Variants in FSTL5 observed in about 807,000 individuals in gnomAD.
FSTL5 encodes the protein follistatin-related protein 5.
Under a neutral mutation model 89.1 loss-of-function variants are expected in FSTL5, and 62 were observed. The ratio of observed to expected loss-of-function variants is 0.70; its 90% confidence interval spans 0.57 to 0.86. The LOEUF is 0.86. Among genes scored for constraint, FSTL5 ranks in the 40% least tolerant of loss-of-function variants. The pLI is 0.00. For synonymous variants in FSTL5, 383 were observed against 346.2 expected (o/e 1.11, Z -1.18); for missense variants, 1,057 against 1,001.6 (o/e 1.06, Z -0.75).
chr4:161,491,709 C>A (rs988025692), intron 12 of FSTL5, among the ~76,000 whole-genome samples: 2 of 152,006 alleles, frequency 1.3e-5, no homozygotes, highest in Non-Finnish European at 2.9e-5. Context: ...GGCGTGGTGG[C>A]ACGCCCTTGT....
chr4:161,433,185 T>C (rs1198957881), intron 15 of FSTL5, among the ~76,000 whole-genome samples: 1 of 150,936 alleles, frequency 6.6e-6, no homozygotes, highest in Non-Finnish European at 1.5e-5. Context: ...CAATGAAATA[T>C]GAGCAAACTA....
intron 4 of FSTL5, among the ~76,000 whole-genome samples, chr4:161,811,228 A>G (rs1730135716): frequency 6.6e-6 from 1 of 152,164 alleles, no homozygotes; most frequent in African/African-American, 2.4e-5. Flanking sequence ...ATCAAGGAAG[A>G]AACAACCAGA....
intron 1 of FSTL5, among the ~76,000 whole-genome samples, chr4:162,124,534 A>C (rs1417019945): frequency 6.6e-6 from 1 of 152,150 alleles, no homozygotes; most frequent in Non-Finnish European, 1.5e-5. Context: ...GGAAAGCATA[A>C]TGGCTTCTTC....
At chr4:162,129,109 A>G (rs1390863800) in intron 1 of FSTL5, among the ~76,000 whole-genome samples, 2 of 151,854 alleles carry the variant, frequency 1.3e-5, no homozygotes, top group East Asian at 3.9e-4. Flanking sequence ...ATTTTTGTAT[A>G]TTTAGTAGAG....
chr4:161,999,081 T>C (rs1035495450), intron 3 of FSTL5, among the ~76,000 whole-genome samples: 2 of 152,166 alleles, frequency 1.3e-5, no homozygotes, highest in Non-Finnish European at 2.9e-5. Context: ...TAAGGGAAAC[T>C]AGGCCAAGGA....
chr4:161,721,200 C>T (rs1179664324), intron 6 of FSTL5, among the ~76,000 whole-genome samples: 1 of 143,412 alleles, frequency 7.0e-6, no homozygotes, highest in Non-Finnish European at 1.5e-5. Context: ...ATGGCGTGAA[C>T]CCGGGAAGCG....
chr4:162,029,900 T>A (rs1418315184), intron 3 of FSTL5, among the ~76,000 whole-genome samples: 1 of 71,734 alleles, frequency 1.4e-5, no homozygotes, highest in Non-Finnish European at 2.4e-5. Flanking sequence ...TGATCTAAAT[T>A]ATTTCCTTTT....
intron 6 of FSTL5, among the ~76,000 whole-genome samples, chr4:161,728,161 A>C (rs1455216960): frequency 6.6e-6 from 1 of 152,204 alleles, no homozygotes; most frequent in Non-Finnish European, 1.5e-5. Flanking sequence ...GGAGAGATTT[A>C]TAAAGAGTAG....
At chr4:161,624,698 A>G (rs900488150) in intron 7 of FSTL5, among the ~76,000 whole-genome samples, 4 of 152,072 alleles carry the variant, frequency 2.6e-5, no homozygotes, top group African/African-American at 9.6e-5. Flanking sequence ...ATTATCTACC[A>G]CTCTGCAATA....
chr4:161,509,632 T>A (rs928112109), intron 11 of FSTL5, among the ~76,000 whole-genome samples: 6 of 152,168 alleles, frequency 3.9e-5, no homozygotes, highest in Admixed American at 3.9e-4. Flanking sequence ...GAAGCTATAA[T>A]CAGGGAAGAG....
chr4:161,740,788 GTTGGGCTGCGGTAACAACACACCA>G (rs1739997942), intron 6 of FSTL5, among the ~76,000 whole-genome samples: 1 of 152,158 alleles, frequency 6.6e-6, no homozygotes, highest in South Asian at 2.1e-4. Context: ...GTCTTAGTCT[GTTGGGCTGCGGTAACAACACACCA>G]TAAATGAGGA....
intron 1 of FSTL5, among the ~76,000 whole-genome samples, 186 bp downstream of exon 1, chr4:162,163,429 A>G (rs1733766226): frequency 7.7e-6 from 1 of 130,430 alleles, no homozygotes; most frequent in Admixed American, 7.8e-5. Context: ...TCACTAACAG[A>G]TTGTCTTGTA....
At chr4:161,860,269 C>T (rs1212678557) in intron 4 of FSTL5, among the ~76,000 whole-genome samples, 1 of 148,800 alleles carries the variant, frequency 6.7e-6, no homozygotes, top group African/African-American at 2.5e-5. Flanking sequence ...GCCTAGGCGA[C>T]AGAGCGAGAC....
chr4:161,660,844 C>T (rs7698955), intron 6 of FSTL5, among the ~76,000 whole-genome samples: 121,836 of 152,128 alleles, frequency 0.8, 49,060 homozygotes, highest in East Asian at 0.93. Context: ...ATAGTGTATA[C>T]GTACCACATT....
intron 4 of FSTL5, among the ~76,000 whole-genome samples, chr4:161,806,003 T>C (rs543253879): frequency 1.8e-3 from 267 of 152,198 alleles, no homozygotes; most frequent in African/African-American, 6.1e-3. Flanking sequence ...CCATACCTAA[T>C]TAAAAATTAA....
At chr4:161,731,234 T>C (rs1006067997) in intron 6 of FSTL5, among the ~76,000 whole-genome samples, 1 of 152,162 alleles carries the variant, frequency 6.6e-6, no homozygotes, top group South Asian at 2.1e-4. Flanking sequence ...CCAAAGCTTT[T>C]TGTGCTCCTA....
At chr4:161,501,471 A>C (rs1272946704) in intron 11 of FSTL5, among the ~76,000 whole-genome samples, 1 of 152,026 alleles carries the variant, frequency 6.6e-6, no homozygotes, top group Non-Finnish European at 1.5e-5. Flanking sequence ...CTAAACTATT[A>C]CTTTATTCAT....
At chr4:161,622,364 C>T (rs1054320126) in intron 7 of FSTL5, among the ~76,000 whole-genome samples, 9 of 151,944 alleles carry the variant, frequency 5.9e-5, no homozygotes, top group Admixed American at 6.6e-5. Context: ...AGAAGGGCTA[C>T]CTCTGAACAT....
chr4:161,461,295 AACAAACAAAC>A (rs1275473290), intron 13 of FSTL5, among the ~76,000 whole-genome samples: 3 of 124,176 alleles, frequency 2.4e-5, no homozygotes, highest in Admixed American at 8.4e-5. Flanking sequence ...ATACAAAAAA[AACAAACAAAC>A]AAAAAAATTA....
Sources: allele counts gnomAD v4.1 joint callset (sites outside exome capture counted in the v4.1 genomes callset), GRCh38; gene constraint gnomAD v4.1.1; transcripts MANE v1.5; gene names NCBI Gene and HGNC (gene_info 2026-07-23, HGNC 2026-07-21).